The following SPOCK1 variants were observed in gnomAD, a reference collection of about 807,000 sequenced individuals.
SPOCK1 encodes SPARC (osteonectin), cwcv and kazal like domains proteoglycan 1.
In SPOCK1, 23 loss-of-function variants were observed where a neutral mutation model predicts 55.3. The observed-to-expected ratio is 0.42, with a 90% CI of 0.30 to 0.59. SPOCK1 has a LOEUF of 0.59. SPOCK1 is among the 20% of genes least tolerant of loss of function. The pLI, the probability that SPOCK1 is intolerant of heterozygous loss-of-function variation, is 0.22. For missense variants in SPOCK1, 499 were observed against 552.5 expected, an observed-to-expected ratio of 0.90 and a Z score of 0.97; for synonymous variants, 226 against 221.0, an observed-to-expected ratio of 1.02 and a Z score of -0.20.
At chr5:137,301,125 A>G (rs1212630312) in intron 2 of SPOCK1, among the ~76,000 whole-genome samples, 2 of 152,194 alleles carry the variant, frequency 1.3e-5, no homozygotes, top group Non-Finnish European at 2.9e-5. Context: ...CTCCATTGGA[A>G]TTAAGAATTC....
chr5:137,340,205 G>T (rs1409216862), intron 2 of SPOCK1, among the ~76,000 whole-genome samples: 1 of 152,146 alleles, frequency 6.6e-6, no homozygotes, highest in Non-Finnish European at 1.5e-5. Flanking sequence ...TTCAAGAAAG[G>T]GGAACTGGAA....
rs777464881 is a variant in SPOCK1 at position 136,978,679 on chromosome 5, T to C, written c.1295A>G (p.Glu432Gly). 6.2e-6 allele frequency: 10 copies of C among 1,612,224 alleles called. 1 individual carries two copies. In the South Asian group the frequency reaches 9.9e-5, roughly 16 times the overall value. The change falls in exon 11 of 11, where the codon GAG becomes GGG. Residue 432 changes from glutamate to glycine, a missense_variant. Glu to Gly is a moderately conservative substitution (Grantham distance 98). Transcript: ENST00000394945. ...EDDEDEDDDK[E>G]DEVGYIW ...CTACCATATGTACCCGACCTCATCCTCTTTGTCATCATCCTCATCCTCATC... is the reference window on the plus strand; with the variant it reads ...CTACCATATGTACCCGACCTCATCCCCTTTGTCATCATCCTCATCCTCATC...
chr5:137,268,067 G>A (rs1393145713), intron 2 of SPOCK1, among the ~76,000 whole-genome samples: 2 of 152,200 alleles, frequency 1.3e-5, no homozygotes, highest in Non-Finnish European at 2.9e-5. Context: ...ACATCAAAGC[G>A]CACAATTAGT....
chr5:137,145,696 T>C (rs1056666614), intron 3 of SPOCK1, among the ~76,000 whole-genome samples: 15 of 152,192 alleles, frequency 9.9e-5, no homozygotes, highest in African/African-American at 1.9e-4. Context: ...GGGTTCACCG[T>C]TGAACATAGG....
intron 2 of SPOCK1, among the ~76,000 whole-genome samples, chr5:137,287,281 T>C (rs1285643269): frequency 6.6e-6 from 1 of 152,214 alleles, no homozygotes; most frequent in East Asian, 1.9e-4. Context: ...CTGCTCATCA[T>C]GCCCCTCCTC....
chr5:137,085,427 C>A (rs1752944809), intron 5 of SPOCK1, among the ~76,000 whole-genome samples: 1 of 152,212 alleles, frequency 6.6e-6, no homozygotes, highest in Non-Finnish European at 1.5e-5. Flanking sequence ...ATCCCACTCA[C>A]CATCTGCACA....
intron 5 of SPOCK1, among the ~76,000 whole-genome samples, chr5:137,077,262 C>A (rs1418656362): frequency 6.6e-6 from 1 of 152,216 alleles, no homozygotes; most frequent in East Asian, 1.9e-4. Flanking sequence ...CTTCACTTCT[C>A]CCTAGTCCAG....
chr5:137,284,799 G>A (rs1381679908), intron 2 of SPOCK1, among the ~76,000 whole-genome samples: 1 of 152,136 alleles, frequency 6.6e-6, no homozygotes, highest in African/African-American at 2.4e-5. Context: ...AAGGAGGGGT[G>A]GGTTCAAAGA....
chr5:137,395,565 T>C (rs1751825837), intron 2 of SPOCK1, among the ~76,000 whole-genome samples: 1 of 152,210 alleles, frequency 6.6e-6, no homozygotes, highest in South Asian at 2.1e-4. Flanking sequence ...CATTCCCAAC[T>C]GACTGTGTTT....
intron 2 of SPOCK1, among the ~76,000 whole-genome samples, chr5:137,490,492 G>A (rs955859082): frequency 1.2e-4 from 19 of 152,130 alleles, no homozygotes; most frequent in African/African-American, 3.4e-4. Context: ...TACACAGGCC[G>A]GTTGGATCAT....
chr5:136,985,032 T>TTCATGA, intron 9 of SPOCK1, 108 bp downstream of exon 9: 1 of 1,151,670 alleles, frequency 8.7e-7, no homozygotes, highest in South Asian at 1.2e-5. Context: ...AGGCATTTCT[T>TTCATGA]TCATGAAACA....
intron 4 of SPOCK1, among the ~76,000 whole-genome samples, chr5:137,120,979 A>G (rs1175622823): frequency 6.6e-6 from 1 of 152,228 alleles, no homozygotes; most frequent in African/African-American, 2.4e-5. Context: ...GGTGAGATCA[A>G]TCCTATCTGA....
rs151017520 is a variant in SPOCK1 at position 137,390,127 on chromosome 5, A to C, written c.186+108246T>G. ...AATCCTGTCTCCTCTTCTCTCTAAAAGGGACTCTGCAACCTGGGGGTACTT... is the reference window on the plus strand; with the variant it reads ...AATCCTGTCTCCTCTTCTCTCTAAACGGGACTCTGCAACCTGGGGGTACTT... On this transcript the variant is annotated intron_variant, in intron 2 of 10. Coordinates refer to ENST00000394945, the MANE Select transcript of SPOCK1 (RefSeq NM_004598.4). Among the ~76,000 whole-genome samples the C allele has an allele frequency of 3.2e-3, 493 of 152,314 alleles. 4 individuals are homozygous for C. The highest frequency in any genetic ancestry group is 0.011 in the African/African-American group (458 of 41,566).
chr5:137,011,842 T>A (rs1439696106), intron 6 of SPOCK1, among the ~76,000 whole-genome samples: 4 of 152,180 alleles, frequency 2.6e-5, no homozygotes, highest in Admixed American at 6.6e-5. Flanking sequence ...TCCACTAGCT[T>A]GCAGTGCTCA....
At chr5:137,238,453 A>G (rs1756223095) in intron 3 of SPOCK1, among the ~76,000 whole-genome samples, 1 of 152,236 alleles carries the variant, frequency 6.6e-6, no homozygotes. Flanking sequence ...CTTTAAAATA[A>G]GTGCTACACA....
chr5:137,261,642 C>G (rs546345644), intron 3 of SPOCK1, among the ~76,000 whole-genome samples: 2 of 152,320 alleles, frequency 1.3e-5, no homozygotes, highest in Admixed American at 6.5e-5. Context: ...CCAGCAACAT[C>G]TGAGGTTTAT....
intron 3 of SPOCK1, among the ~76,000 whole-genome samples, chr5:137,256,676 T>C (rs1756640500): frequency 6.6e-6 from 1 of 152,150 alleles, no homozygotes; most frequent in African/African-American, 2.4e-5. Flanking sequence ...TGCAGGCTCC[T>C]GTGGTCTCTG....
At chr5:137,038,139 TCTC>T (rs1283791580) in intron 6 of SPOCK1, among the ~76,000 whole-genome samples, 2 of 152,184 alleles carry the variant, frequency 1.3e-5, no homozygotes, top group Admixed American at 1.3e-4. Flanking sequence ...GAATGATTCC[TCTC>T]CTCTGCTGAC....
At chr5:137,409,693 A>G (rs2127188274) in intron 2 of SPOCK1, among the ~76,000 whole-genome samples, 1 of 152,314 alleles carries the variant, frequency 6.6e-6, no homozygotes, top group South Asian at 2.1e-4. Context: ...GAGACTAGCT[A>G]TTGTGCCCAC....
Sources: gnomAD v4.1 joint callset for allele counts (sites outside exome capture counted in the v4.1 genomes callset) on GRCh38, gnomAD v4.1.1 for gene constraint, MANE v1.5 for transcripts, NCBI Gene and HGNC (gene_info 2026-07-23, HGNC 2026-07-21) for gene names.